TMTC2: variants seen among roughly 807,000 people sequenced by gnomAD.
The protein encoded by TMTC2 is transmembrane O-mannosyltransferase targeting cadherins 2.
TMTC2 carries 43 observed loss-of-function variants against 82.4 expected under a neutral mutation model. That is an observed-to-expected ratio of 0.52 (90% CI 0.41 to 0.67). The LOEUF (loss-of-function observed/expected upper bound fraction) is 0.67, where lower values mean the gene tolerates loss of function less well. TMTC2 is among the 30% of genes least tolerant of loss of function. The probability of loss-of-function intolerance (pLI) is 0.00; values close to 1 mark genes in which losing one functional copy is unlikely to be tolerated. For synonymous variants in TMTC2, 408 were observed against 381.9 expected (o/e 1.07, Z -0.80); for missense variants, 919 against 1,012.4 (o/e 0.91, Z 1.25).
At chr12:82,871,306 T>C (rs893498543) in intron 2 of TMTC2, among the ~76,000 whole-genome samples, 1 of 152,158 alleles carries the variant, frequency 6.6e-6, no homozygotes, top group African/African-American at 2.4e-5. Flanking sequence ...TGTTATACTG[T>C]TTTTGTGCAA....
intron 4 of TMTC2, among the ~76,000 whole-genome samples, chr12:82,945,973 C>T (rs970139623): frequency 6.6e-6 from 1 of 152,130 alleles, no homozygotes; most frequent in Non-Finnish European, 1.5e-5. Flanking sequence ...ATTATTTCTA[C>T]TAAATAATAC....
intron 1 of TMTC2, among the ~76,000 whole-genome samples, chr12:82,742,773 C>G (rs960356441): frequency 4.6e-5 from 7 of 152,186 alleles, no homozygotes; most frequent in African/African-American, 1.7e-4. Context: ...ATCTGCCTGC[C>G]TCAGCCGCCC....
At chr12:82,864,206 G>A (rs528462287) in intron 2 of TMTC2, among the ~76,000 whole-genome samples, 1 of 152,144 alleles carries the variant, frequency 6.6e-6, no homozygotes, top group Non-Finnish European at 1.5e-5. Context: ...AGACCACCTG[G>A]TATGTATAGT....
chr12:82,942,383 G>A (rs1446586808), intron 4 of TMTC2, among the ~76,000 whole-genome samples: 1 of 152,014 alleles, frequency 6.6e-6, no homozygotes, highest in Non-Finnish European at 1.5e-5. Flanking sequence ...GGCTACTTGG[G>A]TTATAAGTGG....
chr12:82,713,704 A>T (rs577070813), intron 1 of TMTC2, among the ~76,000 whole-genome samples: 1 of 152,196 alleles, frequency 6.6e-6, no homozygotes, highest in African/African-American at 2.4e-5. Flanking sequence ...GGAATTCAAG[A>T]TGAGATTTGG....
chr12:82,711,655 A>C (rs529604373), intron 1 of TMTC2, among the ~76,000 whole-genome samples: 1 of 152,330 alleles, frequency 6.6e-6, no homozygotes, highest in Admixed American at 6.5e-5. Context: ...ATGAAAGAAA[A>C]GAAAAAAAAT....
At chr12:82,749,989 C>T (rs1444482033) in intron 1 of TMTC2, among the ~76,000 whole-genome samples, 2 of 152,016 alleles carry the variant, frequency 1.3e-5, no homozygotes, top group Non-Finnish European at 2.9e-5. Context: ...CCACCTGCCT[C>T]GGCCACCCAA....
At chr12:83,002,451 C>G (rs938634020) in intron 8 of TMTC2, among the ~76,000 whole-genome samples, 1 of 152,044 alleles carries the variant, frequency 6.6e-6, no homozygotes. Context: ...CTCAATTTAG[C>G]TTTGTGGTTG....
rs7303499 is a variant in TMTC2 at position 82,928,647 on chromosome 12, G to A, written c.1484-1784G>A. Among the ~76,000 whole-genome samples the A allele has an allele frequency of 7.0e-3, 1,070 of 152,338 alleles. 19 individuals are homozygous for A. The highest frequency in any genetic ancestry group is 0.025 in the African/African-American group (1,020 of 41,588). On this transcript the variant is annotated intron_variant, in intron 3 of 11. Transcript: ENST00000321196. ...GGGAGAAAAAGTTTGGAAACAGCCAGTGTCGGATTAGAGTTTTTGCTGTAA... is the reference window on the plus strand; with the variant it reads ...GGGAGAAAAAGTTTGGAAACAGCCAATGTCGGATTAGAGTTTTTGCTGTAA...
intron 3 of TMTC2, among the ~76,000 whole-genome samples, chr12:82,924,563 TAGG>T (rs758408325): frequency 2.0e-5 from 3 of 152,144 alleles, no homozygotes; most frequent in Non-Finnish European, 2.9e-5. Flanking sequence ...TCATAAGAAA[TAGG>T]AGAGATTTTC....
intron 1 of TMTC2, among the ~76,000 whole-genome samples, chr12:82,728,534 A>C (rs764595918): frequency 1.3e-5 from 2 of 152,140 alleles, no homozygotes; most frequent in Admixed American, 6.5e-5. Flanking sequence ...CAGCCGGGCC[A>C]ACATGGTGAA....
intron 8 of TMTC2, among the ~76,000 whole-genome samples, chr12:83,005,747 A>AGGCCG (rs1880173029): frequency 6.6e-6 from 1 of 152,022 alleles, no homozygotes; most frequent in Non-Finnish European, 1.5e-5. Context: ...CTCCCAGGCC[A>AGGCCG]CTAGCAAAGC....
intron 11 of TMTC2, among the ~76,000 whole-genome samples, chr12:83,120,640 C>T (rs1054559388): frequency 5.3e-5 from 8 of 152,180 alleles, no homozygotes; most frequent in Non-Finnish European, 1.2e-4. Context: ...AGGTGATGAT[C>T]TGTTTGCAAT....
At chr12:83,084,266 C>A (rs576771474) in intron 11 of TMTC2, among the ~76,000 whole-genome samples, 32 of 152,236 alleles carry the variant, frequency 2.1e-4, no homozygotes, top group Non-Finnish European at 1.2e-4. Flanking sequence ...GTTTTTAATG[C>A]TAAATAGAAT....
intron 1 of TMTC2, among the ~76,000 whole-genome samples, chr12:82,807,384 C>T (rs1358640812): frequency 6.6e-6 from 1 of 152,084 alleles, no homozygotes; most frequent in Non-Finnish European, 1.5e-5. Context: ...AGAAGGGTAA[C>T]TAGTTCCCTT....
At chr12:82,868,265 C>G (rs749246481) in intron 2 of TMTC2, among the ~76,000 whole-genome samples, 1 of 152,038 alleles carries the variant, frequency 6.6e-6, no homozygotes, top group Non-Finnish European at 1.5e-5. Flanking sequence ...ATTCTAGAAC[C>G]ATATAGAGTA....
At chr12:83,061,673 A>C in intron 10 of TMTC2, 95 bp from the exon 11 acceptor site, 1 of 1,150,232 alleles carries the variant, frequency 8.7e-7, no homozygotes, top group South Asian at 1.8e-5. Flanking sequence ...TGTGACCAGA[A>C]TTTTTTTAAA....
chr12:82,764,448 T>A (rs1876833340), intron 1 of TMTC2, among the ~76,000 whole-genome samples: 1 of 152,172 alleles, frequency 6.6e-6, no homozygotes, highest in Admixed American at 6.5e-5. Context: ...TATACACTTT[T>A]TTTTAATGGA....
intron 7 of TMTC2, among the ~76,000 whole-genome samples, chr12:82,968,196 C>T (rs972841515): frequency 5.3e-5 from 8 of 152,140 alleles, no homozygotes; most frequent in African/African-American, 1.9e-4. Context: ...TCATATTAAA[C>T]AGCACACTGG....
Sources: allele counts gnomAD v4.1 joint callset (sites outside exome capture counted in the v4.1 genomes callset), GRCh38; gene constraint gnomAD v4.1.1; transcripts MANE v1.5; gene names NCBI Gene and HGNC (gene_info 2026-07-23, HGNC 2026-07-21).